The following CNTNAP2 variants were observed in gnomAD, a reference collection of about 807,000 sequenced individuals.
The protein encoded by CNTNAP2 is contactin associated protein 2.
In CNTNAP2, 98 loss-of-function variants were observed where a neutral mutation model predicts 155.2. That is an observed-to-expected ratio of 0.63 (90% CI 0.54 to 0.75). The LOEUF is 0.75. Among genes scored for constraint, CNTNAP2 ranks in the 30% least tolerant of loss-of-function variants. The pLI, the probability that CNTNAP2 is intolerant of heterozygous loss-of-function variation, is 0.00. For synonymous variants in CNTNAP2, 651 were observed against 631.2 expected (o/e 1.03, Z -0.47); for missense variants, 1,727 against 1,688.1 (o/e 1.02, Z -0.40).
intron 1 of CNTNAP2, among the ~76,000 whole-genome samples, chr7:146,223,910 A>G (rs900229715): frequency 6.6e-6 from 1 of 152,244 alleles, no homozygotes; most frequent in Non-Finnish European, 1.5e-5. Context: ...ATAATTTAGC[A>G]TAGCTTGTGG....
At chr7:147,500,173 T>C (rs1272742230) in intron 11 of CNTNAP2, among the ~76,000 whole-genome samples, 1 of 151,686 alleles carries the variant, frequency 6.6e-6, no homozygotes, top group Non-Finnish European at 1.5e-5. Flanking sequence ...AGCAATATGA[T>C]CTATCACTGA....
intron 9 of CNTNAP2, among the ~76,000 whole-genome samples, chr7:147,328,672 T>A (rs967719126): frequency 2.6e-5 from 4 of 152,186 alleles, no homozygotes; most frequent in African/African-American, 9.7e-5. Context: ...TTTAATAGAA[T>A]TGGTAGTTGG....
At chr7:147,282,397 A>G (rs1805061758) in intron 8 of CNTNAP2, among the ~76,000 whole-genome samples, 1 of 151,974 alleles carries the variant, frequency 6.6e-6, no homozygotes, top group South Asian at 2.1e-4. Flanking sequence ...CATGGTTTGG[A>G]TGACATCATC....
At chr7:147,400,395 A>T (rs548545555) in intron 10 of CNTNAP2, among the ~76,000 whole-genome samples, 80 of 152,252 alleles carry the variant, frequency 5.3e-4, no homozygotes, top group African/African-American at 1.9e-3. Context: ...GAACTTGTGA[A>T]TTGTTGTAGA....
chr7:147,019,180 AT>A (rs1320432246), intron 3 of CNTNAP2, among the ~76,000 whole-genome samples: 1 of 152,118 alleles, frequency 6.6e-6, no homozygotes, highest in Non-Finnish European at 1.5e-5. Flanking sequence ...ATCTCAAAAA[AT>A]ATATCACTAA....
At chr7:146,461,445 T>G (rs1392744005) in intron 1 of CNTNAP2, among the ~76,000 whole-genome samples, 1 of 151,236 alleles carries the variant, frequency 6.6e-6, no homozygotes, top group Non-Finnish European at 1.5e-5. Context: ...AATACCTTAA[T>G]AAAGCTGGAA....
intron 1 of CNTNAP2, among the ~76,000 whole-genome samples, chr7:146,511,444 G>C (rs1056781144): frequency 1.2e-4 from 19 of 152,102 alleles, no homozygotes; most frequent in African/African-American, 4.6e-4. Context: ...AGGCTTTATT[G>C]TTTTGAAGTA....
intron 1 of CNTNAP2, among the ~76,000 whole-genome samples, chr7:146,525,532 TTATCTATCTATCTATCTATCTATCTATC>T (rs71175655): frequency 1.4e-5 from 2 of 147,842 alleles, no homozygotes; most frequent in Admixed American, 1.4e-4. Context: ...TCTTTTCAGT[TTATCTATCTATCTATCTATCTATCTATC>T]TATCTATCTA....
chr7:148,243,751 A>G (rs960840075), intron 20 of CNTNAP2, among the ~76,000 whole-genome samples: 15 of 151,978 alleles, frequency 9.9e-5, no homozygotes, highest in Non-Finnish European at 2.1e-4. Context: ...CAGCCAAACC[A>G]TATCAATGGA....
intron 8 of CNTNAP2, among the ~76,000 whole-genome samples, chr7:147,236,968 G>A (rs1803819602): frequency 6.8e-6 from 1 of 147,200 alleles, no homozygotes; most frequent in Non-Finnish European, 1.5e-5. Context: ...CCTTTGGATT[G>A]TCAAAAACAT....
intron 13 of CNTNAP2, among the ~76,000 whole-genome samples, chr7:147,740,687 T>A (rs1008079845): frequency 1.3e-5 from 2 of 152,202 alleles, no homozygotes; most frequent in African/African-American, 4.8e-5. Flanking sequence ...TCAAATTGTT[T>A]TTGGAAGTAG....
At chr7:146,848,037 A>T (rs766504091) in intron 3 of CNTNAP2, among the ~76,000 whole-genome samples, 2 of 152,220 alleles carry the variant, frequency 1.3e-5, no homozygotes, top group Non-Finnish European at 2.9e-5. Context: ...AAATAGGCTT[A>T]TAAGTATTAA....
chr7:147,922,473 T>G (rs982364339), intron 14 of CNTNAP2, among the ~76,000 whole-genome samples: 3 of 152,244 alleles, frequency 2.0e-5, no homozygotes, highest in Admixed American at 2.0e-4. Flanking sequence ...ATAAAAATAC[T>G]GAGGGCTTTT....
chr7:146,979,912 A>G (rs886104618), intron 3 of CNTNAP2, among the ~76,000 whole-genome samples: 1 of 152,228 alleles, frequency 6.6e-6, no homozygotes, highest in African/African-American at 2.4e-5. Context: ...ATTTAGTTTA[A>G]CCTAAGTCAT....
At chr7:146,324,789 A>G (rs1801068738) in intron 1 of CNTNAP2, among the ~76,000 whole-genome samples, 1 of 152,094 alleles carries the variant, frequency 6.6e-6, no homozygotes. Context: ...ATATATATAT[A>G]TATGTGCTGA....
At chr7:147,102,560 A>T (rs143639609) in intron 4 of CNTNAP2, among the ~76,000 whole-genome samples, 1 of 152,170 alleles carries the variant, frequency 6.6e-6, no homozygotes, top group Non-Finnish European at 1.5e-5. Context: ...TTAAGCAGAA[A>T]TATTGCACAA....
chr7:147,332,659 C>T (rs540844057), intron 9 of CNTNAP2, among the ~76,000 whole-genome samples: 2 of 152,200 alleles, frequency 1.3e-5, no homozygotes, highest in South Asian at 2.1e-4. Flanking sequence ...CTCTGAAGTT[C>T]GAGACCAGCC....
chr7:147,930,142 A>T (rs143448111), intron 14 of CNTNAP2, among the ~76,000 whole-genome samples: 1 of 152,228 alleles, frequency 6.6e-6, no homozygotes, highest in African/African-American at 2.4e-5. Context: ...AAAGAAAAAA[A>T]AACAGGAAAG....
intron 2 of CNTNAP2, among the ~76,000 whole-genome samples, chr7:146,778,821 T>C (rs1802434597): frequency 6.6e-6 from 1 of 152,210 alleles, no homozygotes; most frequent in Admixed American, 6.5e-5. Flanking sequence ...ATGCCTTTTG[T>C]AGAAATCAGT....
Sources: allele counts gnomAD v4.1 joint callset (sites outside exome capture counted in the v4.1 genomes callset), GRCh38; gene constraint gnomAD v4.1.1; transcripts MANE v1.5; gene names NCBI Gene and HGNC (gene_info 2026-07-23, HGNC 2026-07-21).